The following TRIM24 variants were observed in gnomAD, a reference collection of about 807,000 sequenced individuals.
The protein encoded by TRIM24 is transcription intermediary factor 1-alpha.
TRIM24 carries 29 observed loss-of-function variants against 123.9 expected under a neutral mutation model. The ratio of observed to expected loss-of-function variants is 0.23; its 90% CI spans 0.17 to 0.32. The LOEUF (loss-of-function observed/expected upper bound fraction) is 0.32. Among genes scored for constraint, TRIM24 ranks in the 10% least tolerant of loss-of-function variants. The pLI, the probability that TRIM24 is intolerant of heterozygous loss-of-function variation, is 1.00. For synonymous variants in TRIM24, 456 were observed against 461.1 expected (o/e 0.99, Z 0.14); for missense variants, 932 against 1,295.3 (o/e 0.72, Z 4.31).
intron 6 of TRIM24, among the ~76,000 whole-genome samples, chr7:138,529,970 A>G (rs900934944): frequency 5.3e-5 from 8 of 152,208 alleles, no homozygotes; most frequent in Non-Finnish European, 1.0e-4. Flanking sequence ...TGAAGATTTG[A>G]GGAAAAATAA....
At chr7:138,514,128 G>A (rs890534801) in intron 2 of TRIM24, among the ~76,000 whole-genome samples, 1 of 152,176 alleles carries the variant, frequency 6.6e-6, no homozygotes, top group Non-Finnish European at 1.5e-5. Flanking sequence ...GTAGATTTTG[G>A]TTTATGGACA....
At position 138,538,816 on chromosome 7, in the gene TRIM24, A is replaced by G. The variant is rs1432636276; in HGVS notation, c.1143+13A>G. ...TAGCAAACGACTGGTAAGATAAAGT[A>G]TGCTATTTAATATACTGTAAAAATG... On this transcript the variant is annotated intron_variant, in intron 7 of 18. Coordinates refer to ENST00000343526, the MANE Select transcript of TRIM24 (RefSeq NM_015905.3). 7 of 1,612,462 alleles carry G rather than the reference A, an allele frequency of 4.3e-6. No individual in the cohort carries two copies. Among genetic ancestry groups the G allele is most frequent in the African/African-American group, 2.7e-5 (2 of 74,926 alleles).
At chr7:138,499,600 C>A (rs1425380595) in intron 1 of TRIM24, among the ~76,000 whole-genome samples, 1 of 152,132 alleles carries the variant, frequency 6.6e-6, no homozygotes, top group Non-Finnish European at 1.5e-5. Context: ...TGGAGGACAT[C>A]CTGTCTGAGG....
chr7:138,550,978 C>T (rs1797198690), intron 7 of TRIM24, 85 bp from the exon 8 acceptor site: 1 of 1,036,500 alleles, frequency 9.6e-7, no homozygotes, highest in Non-Finnish European at 1.5e-6. Context: ...TATTGATGTA[C>T]ATACCAGAGA....
intron 1 of TRIM24, among the ~76,000 whole-genome samples, chr7:138,473,422 A>G (rs892952475): frequency 6.6e-6 from 1 of 152,240 alleles, no homozygotes; most frequent in Non-Finnish European, 1.5e-5. Flanking sequence ...TAAGAAACAC[A>G]TGATTGTCTT....
chr7:138,502,187 A>G (rs1206789304), intron 1 of TRIM24, among the ~76,000 whole-genome samples: 1 of 152,214 alleles, frequency 6.6e-6, no homozygotes, highest in East Asian at 1.9e-4. Context: ...TGATTCAGAA[A>G]GAGCCAGCTA....
intron 1 of TRIM24, among the ~76,000 whole-genome samples, chr7:138,504,033 C>T (rs1796096444): frequency 1.3e-5 from 2 of 152,170 alleles, no homozygotes; most frequent in South Asian, 4.1e-4. Flanking sequence ...ACAGTAAAAG[C>T]ATTTAGCCCA....
intron 2 of TRIM24, among the ~76,000 whole-genome samples, chr7:138,504,793 C>T (rs537059279): frequency 5.8e-5 from 8 of 137,670 alleles, no homozygotes; most frequent in Non-Finnish European, 1.1e-4. Context: ...TGGAGTCTTG[C>T]GTTGTTGCCC....
At chr7:138,547,898 C>T (rs1001253244) in intron 7 of TRIM24, among the ~76,000 whole-genome samples, 8 of 152,162 alleles carry the variant, frequency 5.3e-5, no homozygotes, top group Non-Finnish European at 1.0e-4. Flanking sequence ...CCCGCCTTGG[C>T]GTCCCAAAGT....
intron 1 of TRIM24, among the ~76,000 whole-genome samples, chr7:138,476,200 A>T (rs140855463): frequency 1.3e-5 from 2 of 152,336 alleles, no homozygotes; most frequent in African/African-American, 4.8e-5. Context: ...TGAAAGGTAG[A>T]TCTTAGGGTC....
chr7:138,587,902 T>C lies in TRIM24; in HGVS notation c.*2951T>C, dbSNP rs1798045994. ...CAACGCAGAATACATTTTAGATCGG[T>C]ATCTGGCATTGTAATCATTTTGTCT... On this transcript the variant is annotated 3_prime_UTR_variant, in exon 19 of 19. Coordinates refer to ENST00000343526, the MANE Select transcript of TRIM24 (RefSeq NM_015905.3). The C allele has an allele frequency of 6.6e-6, 1 of 152,238 alleles. No individual in the cohort carries two copies. The highest frequency in any genetic ancestry group is 2.4e-5 in the African/African-American group (1 of 41,464). The allele number at this position is 152,238 out of a possible 1,614,324, so 9.4% of individuals were successfully genotyped here.
rs1009750320 is a variant in TRIM24 at position 138,584,872 on chromosome 7, G to T, written c.3074G>T (p.Ser1025Ile). The T allele has an allele frequency of 1.9e-6, 3 of 1,613,748 alleles. No homozygotes were observed. Among genetic ancestry groups the T allele is most frequent in the Non-Finnish European group, 2.5e-6 (3 of 1,179,866 alleles). Residue 1025 changes from serine to isoleucine, a missense_variant, in exon 19 of 19, where the codon AGT becomes ATT. This residue lies in a region of TRIM24 where 104 missense variants were observed against 121.5 expected (regional missense o/e 0.86). Coordinates refer to ENST00000343526, the MANE Select transcript of TRIM24 (RefSeq NM_015905.3). ...FRNESEDNKF[S>I]DDSDDDFVQP... ...AATGAATCAGAAGATAATAAATTTA[G>T]TGATGATTCAGATGATGACTTTGTA...
At chr7:138,488,292 AAAC>A (rs1795695788) in intron 1 of TRIM24, among the ~76,000 whole-genome samples, 1 of 151,798 alleles carries the variant, frequency 6.6e-6, no homozygotes, top group African/African-American at 2.4e-5. Flanking sequence ...TTCAAAAAAA[AAAC>A]AGCTCCTGAA....
At chr7:138,463,474 C>G (rs1171427335) in intron 1 of TRIM24, among the ~76,000 whole-genome samples, 1 of 152,128 alleles carries the variant, frequency 6.6e-6, no homozygotes, top group African/African-American at 2.4e-5. Flanking sequence ...TCAGGTGATC[C>G]ACCTGCCACA....
chr7:138,568,344 A>G (rs1797578078), intron 10 of TRIM24, among the ~76,000 whole-genome samples: 1 of 138,164 alleles, frequency 7.2e-6, no homozygotes, highest in African/African-American at 2.7e-5. Context: ...GATGGTCTCA[A>G]TCTCCTAAAC....
At chr7:138,508,509 A>G (rs1796196858) in intron 2 of TRIM24, among the ~76,000 whole-genome samples, 1 of 152,174 alleles carries the variant, frequency 6.6e-6, no homozygotes, top group Non-Finnish European at 1.5e-5. Context: ...ACTGGAATAG[A>G]AAGAGAAAGC....
At position 138,568,180 on chromosome 7, in the gene TRIM24, G is replaced by A. The variant is rs145851508; in HGVS notation, c.1704+526G>A. Among the ~76,000 whole-genome samples the A allele has an allele frequency of 5.9e-4, 89 of 151,430 alleles. 1 individual carries two copies. The East Asian group carries it at 0.01, about 17-fold the overall frequency. On this transcript the variant is annotated intron_variant, in intron 10 of 18. Transcript: ENST00000343526. ...GTTGCCTAGGCTGGAGTGCAGTGGC[G>A]CAATCTGGGCTAACTGCAAACTCTG...
chr7:138,576,330 A>G, intron 12 of TRIM24, 43 bp from the exon 13 acceptor site: 3 of 1,565,480 alleles, frequency 1.9e-6, no homozygotes, highest in Non-Finnish European at 2.6e-6. Context: ...TCAATGCATA[A>G]TTATTCATTC....
intron 1 of TRIM24, among the ~76,000 whole-genome samples, chr7:138,499,026 C>G (rs183939515): frequency 6.6e-6 from 1 of 152,172 alleles, no homozygotes; most frequent in East Asian, 1.9e-4. Flanking sequence ...GTCTACTGCT[C>G]TATTGATTTC....
Sources: allele counts gnomAD v4.1 joint callset (sites outside exome capture counted in the v4.1 genomes callset), GRCh38; gene constraint gnomAD v4.1.1; regional missense constraint gnomAD v4.1.1; transcripts MANE v1.5; gene names NCBI Gene and HGNC (gene_info 2026-07-23, HGNC 2026-07-21).